PTPRD: variants seen among roughly 807,000 people sequenced by gnomAD.
PTPRD encodes the protein protein tyrosine phosphatase receptor type D, also known as receptor-type tyrosine-protein phosphatase delta.
PTPRD carries 34 observed loss-of-function variants against 214.5 expected under a neutral mutation model. The observed-to-expected ratio is 0.16, with a 90% CI of 0.12 to 0.21. The LOEUF (loss-of-function observed/expected upper bound fraction) is 0.21. Ranked by LOEUF, PTPRD falls within the 10% of genes least tolerant of loss-of-function variation. The pLI is 1.00. For synonymous variants in PTPRD, 1,128 were observed against 845.7 expected, an observed-to-expected ratio of 1.33 and a Z score of -5.79; for missense variants, 2,545 against 2,398.7, an observed-to-expected ratio of 1.06 and a Z score of -1.27.
intron 5 of PTPRD, among the ~76,000 whole-genome samples, chr9:9,898,812 A>G (rs10116534): frequency 0.97 from 147,700 of 152,170 alleles, 71,672 homozygotes; most frequent in East Asian, 1. Context: ...TCTCTTAGTG[A>G]ATTTTTAAAA....
chr9:8,601,307 C>T (rs2094845489), intron 14 of PTPRD, among the ~76,000 whole-genome samples: 1 of 152,188 alleles, frequency 6.6e-6, no homozygotes, highest in South Asian at 2.1e-4. Context: ...CTGCCACAAG[C>T]CTGGCAGAAC....
chr9:9,188,823 TGTGTG>T (rs2099933292), intron 9 of PTPRD, among the ~76,000 whole-genome samples: 1 of 151,560 alleles, frequency 6.6e-6, no homozygotes, highest in African/African-American at 2.4e-5. Flanking sequence ...TGTGTGTGTG[TGTGTG>T]TGTGTGTGTG....
At chr9:9,558,594 C>T (rs920110385) in intron 8 of PTPRD, among the ~76,000 whole-genome samples, 1 of 152,188 alleles carries the variant, frequency 6.6e-6, no homozygotes. Flanking sequence ...AGCACGCAGG[C>T]CTGTTACATA....
chr9:9,790,086 A>G (rs893789469), intron 5 of PTPRD, among the ~76,000 whole-genome samples: 2 of 152,156 alleles, frequency 1.3e-5, no homozygotes, highest in African/African-American at 4.8e-5. Context: ...AATTTCCTCT[A>G]ATTTTAATGT....
At chr9:10,019,661 G>A (rs1001339871) in intron 4 of PTPRD, among the ~76,000 whole-genome samples, 5 of 152,054 alleles carry the variant, frequency 3.3e-5, no homozygotes, top group Non-Finnish European at 4.4e-5. Context: ...GTCATTCTCA[G>A]CAAACTATCG....
chr9:9,181,502 TACAA>T (rs1194524150), intron 10 of PTPRD, among the ~76,000 whole-genome samples: 1 of 151,974 alleles, frequency 6.6e-6, no homozygotes, highest in Non-Finnish European at 1.5e-5. Flanking sequence ...TAATAACATC[TACAA>T]ACAAATTTAT....
At chr9:8,805,950 A>G (rs545101103) in intron 11 of PTPRD, among the ~76,000 whole-genome samples, 150 of 143,564 alleles carry the variant, frequency 1.0e-3, no homozygotes, top group Non-Finnish European at 1.8e-3. Context: ...AGCCGAGATT[A>G]TGCCACTGCA....
chr9:8,513,186 G>A (rs1314575748), intron 21 of PTPRD, among the ~76,000 whole-genome samples: 2 of 151,996 alleles, frequency 1.3e-5, no homozygotes, highest in Admixed American at 6.6e-5. Flanking sequence ...CTCAATGAAA[G>A]TCTTTTCATA....
chr9:10,549,218 G>T (rs1044433884), intron 2 of PTPRD, among the ~76,000 whole-genome samples: 7 of 152,136 alleles, frequency 4.6e-5, no homozygotes, highest in South Asian at 4.1e-4. Flanking sequence ...ATTAACTAAT[G>T]TAAGTACTGC....
At chr9:8,377,335 C>G (rs2083559294) in intron 37 of PTPRD, among the ~76,000 whole-genome samples, 1 of 151,950 alleles carries the variant, frequency 6.6e-6, no homozygotes, top group South Asian at 2.1e-4. Flanking sequence ...CAGAGGGTCA[C>G]ACACTAACAG....
chr9:9,932,324 T>G (rs4034207), intron 5 of PTPRD, among the ~76,000 whole-genome samples: 4 of 142,858 alleles, frequency 2.8e-5, no homozygotes, highest in Non-Finnish European at 4.6e-5. Flanking sequence ...AGTTGAAAAC[T>G]TTGAAAAAAA....
At chr9:8,342,194 G>C (rs1853086983) in intron 39 of PTPRD, among the ~76,000 whole-genome samples, 1 of 151,940 alleles carries the variant, frequency 6.6e-6, no homozygotes, top group Non-Finnish European at 1.5e-5. Context: ...AATTAGTTTA[G>C]TTTTAAAATG....
chr9:8,740,249 C>T (rs1025158018), intron 11 of PTPRD, among the ~76,000 whole-genome samples: 14 of 151,946 alleles, frequency 9.2e-5, no homozygotes, highest in Non-Finnish European at 2.1e-4. Context: ...ATAGTGTTAA[C>T]GAATGTTCCT....
At chr9:10,184,253 C>T (rs2099317476) in intron 3 of PTPRD, among the ~76,000 whole-genome samples, 1 of 151,958 alleles carries the variant, frequency 6.6e-6, no homozygotes, top group Non-Finnish European at 1.5e-5. Context: ...GGCGAAACCA[C>T]ATCTCTACCA....
At chr9:10,188,499 A>G (rs1384521611) in intron 3 of PTPRD, among the ~76,000 whole-genome samples, 2 of 152,052 alleles carry the variant, frequency 1.3e-5, no homozygotes, top group Admixed American at 1.3e-4. Flanking sequence ...CAAATCATTC[A>G]ACTTAGTCTT....
intron 2 of PTPRD, among the ~76,000 whole-genome samples, chr9:10,422,694 A>G (rs1208565389): frequency 6.6e-6 from 1 of 152,118 alleles, no homozygotes; most frequent in African/African-American, 2.4e-5. Flanking sequence ...GCCAACAGAC[A>G]CTTAAAAAAG....
intron 8 of PTPRD, among the ~76,000 whole-genome samples, chr9:9,535,262 C>T (rs1009373063): frequency 6.6e-6 from 1 of 151,994 alleles, no homozygotes; most frequent in African/African-American, 2.4e-5. Flanking sequence ...ACGATTCTAG[C>T]TTTATTTGCT....
chr9:9,535,570 A>AT (rs1195602738), intron 8 of PTPRD, among the ~76,000 whole-genome samples: 1 of 152,060 alleles, frequency 6.6e-6, no homozygotes, highest in Non-Finnish European at 1.5e-5. Flanking sequence ...AAACAGATTT[A>AT]TTTTTTTAAA....
intron 2 of PTPRD, among the ~76,000 whole-genome samples, chr9:10,560,640 A>C (rs2063721088): frequency 6.7e-6 from 1 of 149,408 alleles, no homozygotes; most frequent in African/African-American, 2.5e-5. Context: ...AGAATAAGAG[A>C]ATCTACACAC....
Sources: gnomAD v4.1 joint callset for allele counts (sites outside exome capture counted in the v4.1 genomes callset) on GRCh38, gnomAD v4.1.1 for gene constraint, MANE v1.5 for transcripts, NCBI Gene and HGNC (gene_info 2026-07-23, HGNC 2026-07-21) for gene names.